Variants in TTLL9 observed in about 807,000 individuals in gnomAD.
TTLL9 encodes tubulin tyrosine ligase like 9.
In TTLL9, 47 loss-of-function variants were observed where a neutral mutation model predicts 65.6. That is an observed-to-expected ratio of 0.72 (90% CI 0.57 to 0.91). The LOEUF (loss-of-function observed/expected upper bound fraction) is 0.91. Among genes scored for constraint, TTLL9 ranks in the 40% least tolerant of loss-of-function variants. The pLI, the probability that TTLL9 is intolerant of heterozygous loss-of-function variation, is 0.00. For synonymous variants in TTLL9, 179 were observed against 204.8 expected (o/e 0.87, Z 1.07); for missense variants, 537 against 568.8 (o/e 0.94, Z 0.57).
intron 2 of TTLL9, among the ~76,000 whole-genome samples, chr20:31,880,240 C>T (rs754182252): frequency 3.3e-5 from 5 of 152,162 alleles, no homozygotes; most frequent in Non-Finnish European, 5.9e-5. Context: ...GATTTCCTGA[C>T]TTGGCGAAAC....
At chr20:31,937,372 C>A in intron 12 of TTLL9, 24 bp from the exon 13 acceptor site, 2 of 1,589,256 alleles carry the variant, frequency 1.3e-6, no homozygotes, top group Non-Finnish European at 1.7e-6. Flanking sequence ...AACCCTAAGA[C>A]TCTCTACTCC....
chr20:31,886,690 G>A (rs905267258), intron 2 of TTLL9, among the ~76,000 whole-genome samples: 1 of 152,086 alleles, frequency 6.6e-6, no homozygotes, highest in Non-Finnish European at 1.5e-5. Flanking sequence ...GTGGTGGTGG[G>A]TGCCTGTAAT....
At chr20:31,877,817 T>C (rs117269546) in intron 2 of TTLL9, among the ~76,000 whole-genome samples, 2 of 152,236 alleles carry the variant, frequency 1.3e-5, no homozygotes, top group Admixed American at 1.3e-4. Context: ...CTTTTGATTT[T>C]GACAAGATTT....
chr20:31,878,528 C>T (rs1164163370), intron 2 of TTLL9, among the ~76,000 whole-genome samples: 1 of 152,226 alleles, frequency 6.6e-6, no homozygotes, highest in East Asian at 1.9e-4. Context: ...GCATCCAGTA[C>T]TATTTGCAGC....
intron 3 of TTLL9, among the ~76,000 whole-genome samples, chr20:31,893,037 T>C (rs1368433292): frequency 6.6e-6 from 1 of 152,244 alleles, no homozygotes; most frequent in African/African-American, 2.4e-5. Context: ...TCCTTCTGAA[T>C]TTCCATCTGG....
chr20:31,900,872 T>C (rs2063468016), intron 4 of TTLL9, among the ~76,000 whole-genome samples: 1 of 152,106 alleles, frequency 6.6e-6, no homozygotes, highest in African/African-American at 2.4e-5. Flanking sequence ...CTCTGCTCAA[T>C]GGGCAGGGGA....
rs375622612 is a variant in TTLL9, at chr20:31,903,721, C to G, written c.207-4870C>G. Among the ~76,000 whole-genome samples the G allele has an allele frequency of 3.4e-3, 513 of 152,138 alleles. 3 individuals are homozygous for G. The highest frequency in any genetic ancestry group is 0.015 in the South Asian group (72 of 4,814). Reference sequence around the variant, plus strand: ...TTTTTATTTTGAAATAACTTTAGACCTACAGAAAAGTTTCAAAAATCATAC... The same window carrying G: ...TTTTTATTTTGAAATAACTTTAGACGTACAGAAAAGTTTCAAAAATCATAC... On this transcript the variant is annotated intron_variant, in intron 4 of 14. Transcript: ENST00000535842.
intron 10 of TTLL9, among the ~76,000 whole-genome samples, chr20:31,931,860 G>A (rs147143610): frequency 4.2e-4 from 64 of 152,044 alleles, no homozygotes; most frequent in African/African-American, 1.4e-3. Context: ...GATAATTTCC[G>A]TTGAAGCACA....
At chr20:31,907,729 A>G (rs1388502644) in intron 4 of TTLL9, among the ~76,000 whole-genome samples, 5 of 146,560 alleles carry the variant, frequency 3.4e-5, no homozygotes, top group African/African-American at 2.5e-5. Context: ...TCGAAAAAAG[A>G]AAAAAAAAAA....
At chr20:31,919,774 C>T (rs1471929696) in intron 6 of TTLL9, 90 bp from the exon 7 acceptor site, 3 of 1,056,844 alleles carry the variant, frequency 2.8e-6, no homozygotes, top group Non-Finnish European at 4.0e-6. Flanking sequence ...GAAAAAGAGA[C>T]AGATATGCTG....
At chr20:31,941,678 T>C (rs2080504296) in intron 14 of TTLL9, among the ~76,000 whole-genome samples, 1 of 152,102 alleles carries the variant, frequency 6.6e-6, no homozygotes, top group South Asian at 2.1e-4. Flanking sequence ...TCCTCCTACC[T>C]CAGCCTCCTG....
At chr20:31,938,751 G>A (rs373070191) in intron 13 of TTLL9, among the ~76,000 whole-genome samples, 7 of 152,098 alleles carry the variant, frequency 4.6e-5, no homozygotes, top group African/African-American at 9.7e-5. Flanking sequence ...GGTGGTGTGC[G>A]CCTGTAGTCC....
intron 3 of TTLL9, 27 bp downstream of exon 3, chr20:31,887,266 T>C: frequency 6.2e-7 from 1 of 1,613,882 alleles, no homozygotes; most frequent in East Asian, 2.2e-5. Flanking sequence ...AATCCAACAA[T>C]CACAGCGCAA....
intron 10 of TTLL9, among the ~76,000 whole-genome samples, chr20:31,929,255 T>C (rs1227859014): frequency 1.3e-5 from 2 of 152,220 alleles, no homozygotes; most frequent in African/African-American, 4.8e-5. Context: ...GAAACATTTA[T>C]TTTAAACTTT....
chr20:31,898,388 C>T (rs1014630844), intron 3 of TTLL9, 85 bp from the exon 4 acceptor site: 2 of 1,207,462 alleles, frequency 1.7e-6, no homozygotes, highest in African/African-American at 3.0e-5. Flanking sequence ...TGGAACTTGA[C>T]TTCTCTTCCT....
intron 4 of TTLL9, among the ~76,000 whole-genome samples, chr20:31,900,479 T>C (rs988013844): frequency 6.6e-6 from 1 of 152,192 alleles, no homozygotes; most frequent in African/African-American, 2.4e-5. Context: ...ATGTTATGAA[T>C]CTGTGATTCC....
At chr20:31,909,642 T>G in intron 5 of TTLL9, 95 bp from the exon 6 acceptor site, 2 of 1,160,542 alleles carry the variant, frequency 1.7e-6, no homozygotes, top group Non-Finnish European at 2.5e-6. Context: ...GGCCAGAGCA[T>G]GGAGGCTGCA....
At chr20:31,887,411 G>A (rs1009661507) in intron 3 of TTLL9, among the ~76,000 whole-genome samples, 172 bp downstream of exon 3, 3 of 152,196 alleles carry the variant, frequency 2.0e-5, no homozygotes, top group South Asian at 2.1e-4. Flanking sequence ...CTCTGGGCCT[G>A]TCACTTTACC....
rs375204303 is a variant in TTLL9, at chr20:31,926,035, C to T, written c.706-14C>T. On this transcript the variant is annotated splice_polypyrimidine_tract_variant and intron_variant, in intron 9 of 14. Transcript: ENST00000535842. ...CACTCTGGCCAGTCCCAAGTGAACT[C>T]CTTTGTCCCACAGGTGTTTGCTGAA... The T allele has an allele frequency of 7.3e-5, 118 of 1,613,828 alleles. No individual in the cohort carries two copies. Among genetic ancestry groups the T allele is most frequent in the Non-Finnish European group, 9.7e-5 (114 of 1,179,952 alleles).
Sources: gnomAD v4.1 joint callset for allele counts (sites outside exome capture counted in the v4.1 genomes callset) on GRCh38, gnomAD v4.1.1 for gene constraint, MANE v1.5 for transcripts, NCBI Gene and HGNC (gene_info 2026-07-23, HGNC 2026-07-21) for gene names.